LDB1: variants seen among roughly 807,000 people sequenced by gnomAD.
LDB1 encodes the protein LIM domain binding 1.
LDB1 carries 6 observed loss-of-function variants against 49.7 expected under a neutral mutation model. That is an observed-to-expected ratio of 0.12 (90% CI 0.07 to 0.24). The LOEUF (loss-of-function observed/expected upper bound fraction) is 0.24. Ranked by LOEUF, LDB1 falls within the 10% of genes least tolerant of loss-of-function variation. LDB1 has a pLI of 1.00. For synonymous variants in LDB1, 233 were observed against 202.0 expected, an observed-to-expected ratio of 1.15 and a Z score of -1.30; for missense variants, 341 against 561.7, an observed-to-expected ratio of 0.61 and a Z score of 3.97.
At chr10:102,116,577 C>T (rs187463952) in intron 1 of LDB1, among the ~76,000 whole-genome samples, 144 of 152,266 alleles carry the variant, frequency 9.5e-4, no homozygotes, top group Non-Finnish European at 1.9e-3. Flanking sequence ...ACCTATGACA[C>T]GCATCCTGAC....
upstream of LDB1, chr10:102,120,498 G>T: frequency 2.1e-6 from 1 of 485,734 alleles, no homozygotes; most frequent in Non-Finnish European, 2.7e-6. Context: ...AGCCCAAGCC[G>T]GGCAGGGCCG....
intron 1 of LDB1, among the ~76,000 whole-genome samples, chr10:102,115,875 C>A (rs1020113069): frequency 2.0e-5 from 3 of 151,966 alleles, no homozygotes; most frequent in African/African-American, 4.8e-5. Context: ...GTGGGCCAGA[C>A]CTTACTCGTG....
At chr10:102,121,308 C>T (rs928820099), upstream of LDB1, among the ~76,000 whole-genome samples, 1 of 152,174 alleles carries the variant, frequency 6.6e-6, no homozygotes, top group African/African-American at 2.4e-5. Flanking sequence ...ACCCCACCGC[C>T]TCCGACCCCC....
chr10:102,117,017 T>TG lies in LDB1; in HGVS notation c.25+3068dup, dbSNP rs1273121832. 1.7e-4 allele frequency among the ~76,000 whole-genome samples: 9 copies of TG among 54,128 alleles called. No individual in the cohort carries two copies. Among genetic ancestry groups the TG allele is most frequent in the African/African-American group, 5.0e-4 (7 of 13,982 alleles). The allele number at this position is 54,128 out of a possible 152,430, so 35.5% of individuals were successfully genotyped here. A position where few individuals can be genotyped will look rare whatever the true frequency, so the allele number is the denominator to read the frequency against. On this transcript the variant is annotated intron_variant, in intron 1 of 10. Transcript: ENST00000673968. This position sits in a 1 kb window ranked among gnomAD's most constrained non-coding sequence, Gnocchi z 4.2. ...AGGATGACCAGGGTGGGCTGGGGGG[T>TG]GGGGGGGTTGAACCCTGCACTTCTA...
rs926965160 is a variant in LDB1, at chr10:102,117,089, C to A, written c.25+2997G>T. ...GCCCTGCAGCCATTCCTACTCCCTT[C>A]CCCCTCCAGGCCTCAAATCACTGTC... On this transcript the variant is annotated intron_variant, in intron 1 of 10. Coordinates refer to ENST00000673968, the MANE Select transcript of LDB1 (RefSeq NM_001113407.3). This position sits in a 1 kb window ranked among gnomAD's most constrained non-coding sequence, Gnocchi z 4.2. Among the ~76,000 whole-genome samples, 1 of 152,166 alleles carries A rather than the reference C, an allele frequency of 6.6e-6. No individual in the cohort carries two copies.
chr10:102,118,093 A>G (rs887888069), intron 1 of LDB1, among the ~76,000 whole-genome samples: 3 of 151,946 alleles, frequency 2.0e-5, no homozygotes, highest in South Asian at 2.1e-4. Context: ...GGTGGGGGAA[A>G]TCTTTGGGCC....
chr10:102,119,797 A>C (rs1457093874), intron 1 of LDB1, among the ~76,000 whole-genome samples: 2 of 151,850 alleles, frequency 1.3e-5, no homozygotes, highest in African/African-American at 4.8e-5. Flanking sequence ...ACAACCTGGA[A>C]TTCTGAGAAT....
At chr10:102,116,155 A>G (rs756545706) in intron 1 of LDB1, among the ~76,000 whole-genome samples, 7 of 152,166 alleles carry the variant, frequency 4.6e-5, no homozygotes, top group Non-Finnish European at 1.0e-4. Context: ...TTTCACATAA[A>G]TCACTACCTG....
downstream of LDB1, among the ~76,000 whole-genome samples, chr10:102,104,987 A>C (rs1471736133): frequency 1.3e-5 from 2 of 152,226 alleles, no homozygotes; most frequent in Non-Finnish European, 2.9e-5. Flanking sequence ...GAATGAATTA[A>C]TTAACCAACA....
At chr10:102,102,219 C>T (rs2068127596), downstream of LDB1, among the ~76,000 whole-genome samples, 1 of 152,256 alleles carries the variant, frequency 6.6e-6, no homozygotes. Context: ...GCCACCGCAC[C>T]TGGCCCCATA....
Position 102,106,639 on chromosome 10 carries a change from G to A in LDB1, c.*1454C>T, listed in dbSNP as rs186479511. On this transcript the variant is annotated 3_prime_UTR_variant, in exon 11 of 11. Coordinates refer to ENST00000673968, the MANE Select transcript of LDB1 (RefSeq NM_001113407.3). ...TTCCTCACCCCTTCCCTCAGCTCCT[G>A]ACTCAATACCCTTCCAAAAGTGGCA... 2.4e-3 allele frequency among the ~76,000 whole-genome samples: 325 copies of A among 133,724 alleles called. 3 individuals carry two copies. The highest frequency in any genetic ancestry group is 0.017 in the Middle Eastern group (4 of 236). The allele number at this position is 133,724 out of a possible 152,430, so 87.7% of individuals were successfully genotyped here.
At chr10:102,120,364 TGTGTGTCC>T (rs1223196520) in exon 1 of LDB1, 27 of 981,920 alleles carry the variant, frequency 2.7e-5, no homozygotes, top group Non-Finnish European at 3.0e-5. Flanking sequence ...GTCCGCGGAG[TGTGTGTCC>T]GTGTGTGCGT....
chr10:102,117,296 G>C lies in LDB1; in HGVS notation c.25+2790C>G, dbSNP rs1212669415. Reference sequence around the variant, plus strand: ...CAAACCATTCAAAACAGGCCTTCTAGTTATTCTCTAGCAAGTCTGCTCCTT... The same window carrying C: ...CAAACCATTCAAAACAGGCCTTCTACTTATTCTCTAGCAAGTCTGCTCCTT... On this transcript the variant is annotated intron_variant, in intron 1 of 10. Transcript: ENST00000673968. This position sits in a 1 kb window ranked among gnomAD's most constrained non-coding sequence, Gnocchi z 4.2. 6.6e-6 allele frequency among the ~76,000 whole-genome samples: 1 copy of C among 152,198 alleles called. No homozygotes were observed. The highest frequency in any genetic ancestry group is 2.4e-5 in the African/African-American group (1 of 41,424).
At chr10:102,120,418 C>A, upstream of LDB1, 2 of 982,826 alleles carry the variant, frequency 2.0e-6, no homozygotes, top group Non-Finnish European at 2.4e-6. Flanking sequence ...TGTGCGCTCC[C>A]GCCGCCGTCG....
upstream of LDB1, among the ~76,000 whole-genome samples, chr10:102,120,926 C>T (rs983332086): frequency 6.7e-6 from 1 of 149,752 alleles, no homozygotes; most frequent in African/African-American, 2.6e-5. Context: ...AGACGCCAGC[C>T]TTCTTCTGGA....
At chr10:102,114,551 C>A in intron 1 of LDB1, 3 of 985,812 alleles carry the variant, frequency 3.0e-6, no homozygotes, top group Non-Finnish European at 3.6e-6. Flanking sequence ...GAGCTCCAGT[C>A]CGCCGGCCGC....
rs961105474 is a variant in LDB1 at position 102,117,530 on chromosome 10, C to A, written c.25+2556G>T. 1.3e-5 allele frequency among the ~76,000 whole-genome samples: 2 copies of A among 152,172 alleles called. No homozygotes were observed. Among genetic ancestry groups the A allele is most frequent in the Non-Finnish European group, 2.9e-5 (2 of 68,026 alleles). ...CAGCCCACAGGATGAGGTACCAGCA[C>A]TGCCCCCTGCCCGGGCCCCTGGGGC... On this transcript the variant is annotated intron_variant, in intron 1 of 10. Transcript: ENST00000673968. The surrounding 1 kb of genome is among the most constrained non-coding windows in gnomAD (Gnocchi z 4.2).
At position 102,117,457 on chromosome 10, in the gene LDB1, G is replaced by A. The variant is rs2068348540; in HGVS notation, c.25+2629C>T. ...GCAAATAATGACAAAGATGATGAGG[G>A]AAAGTACTCCTCCTGGAGGTGGGGA... is the stretch of plus-strand genomic sequence containing the variant. On this transcript the variant is annotated intron_variant, in intron 1 of 10. Transcript: ENST00000673968. The surrounding 1 kb of genome is among the most constrained non-coding windows in gnomAD (Gnocchi z 4.2). Among the ~76,000 whole-genome samples, 1 of 152,116 alleles carries A rather than the reference G, an allele frequency of 6.6e-6. No individual in the cohort carries two copies. The highest frequency in any genetic ancestry group is 1.5e-5 in the Non-Finnish European group (1 of 68,014).
At chr10:102,114,200 G>A (rs1360547887) in intron 1 of LDB1, among the ~76,000 whole-genome samples, 1 of 152,186 alleles carries the variant, frequency 6.6e-6, no homozygotes, top group Non-Finnish European at 1.5e-5. Context: ...GGCTGAGGGG[G>A]GCACCTCCAG....
Sources: allele counts gnomAD v4.1 joint callset (sites outside exome capture counted in the v4.1 genomes callset), GRCh38; gene constraint gnomAD v4.1.1; non-coding constraint Gnocchi (gnomAD v3.1); transcripts MANE v1.5; gene names NCBI Gene and HGNC (gene_info 2026-07-23, HGNC 2026-07-21).